The following RINL variants were observed in gnomAD, a reference collection of about 807,000 sequenced individuals.
The protein encoded by RINL is ras and Rab interactor-like protein.
A neutral mutation model predicts 58.1 loss-of-function variants in RINL; 39 were observed. The observed-to-expected ratio is 0.67, with a 90% confidence interval of 0.52 to 0.88. The LOEUF (loss-of-function observed/expected upper bound fraction) is 0.88, where lower values mean the gene tolerates loss of function less well. RINL is among the 40% of genes least tolerant of loss of function. The pLI is 0.00. For missense variants in RINL, 711 were observed against 749.2 expected, an observed-to-expected ratio of 0.95 and a Z score of 0.60; for synonymous variants, 286 against 323.1, an observed-to-expected ratio of 0.89 and a Z score of 1.23.
intron 3 of RINL, among the ~76,000 whole-genome samples, chr19:38,874,694 G>A (rs1197368023): frequency 2.0e-5 from 3 of 152,288 alleles, no homozygotes; most frequent in East Asian, 3.9e-4. Flanking sequence ...GTTTGCTGTC[G>A]TCTCCAAACC....
chr19:38,869,778 C>T lies in RINL; in HGVS notation c.1343-74G>A. ...GCGTAGACACCTTCCATCCGATCCC[C>T]AGGACCACGAGGGCTGGCTGCCCCT... On this transcript the variant is annotated intron_variant, in intron 9 of 11. Coordinates refer to ENST00000591812, the MANE Select transcript of RINL (RefSeq NM_001195833.2). The surrounding 1 kb of genome is among the most constrained non-coding windows in gnomAD (Gnocchi z 5.7). 1.9e-6 allele frequency: 3 copies of T among 1,595,278 alleles called. No individual in the cohort carries two copies. Among genetic ancestry groups the T allele is most frequent in the Non-Finnish European group, 2.6e-6 (3 of 1,169,376 alleles).
intron 3 of RINL, 49 bp from the exon 4 acceptor site, chr19:38,874,037 C>T (rs1470396884): frequency 5.0e-6 from 6 of 1,193,200 alleles, no homozygotes; most frequent in Non-Finnish European, 7.1e-6. Context: ...GCGCAGATGT[C>T]TGTTGCTTTT....
rs756612255 is a variant in RINL at position 38,869,702 on chromosome 19, G to A, written c.1345C>T (p.Pro449Ser). 2.5e-6 allele frequency: 4 copies of A among 1,613,666 alleles called. No individual in the cohort carries two copies. The highest frequency in any genetic ancestry group is 4.5e-5 in the East Asian group (2 of 44,852). Residue 449 changes from proline to serine, a missense_variant and splice_region_variant, in exon 10 of 12, where the codon CCC (proline) becomes TCC (serine). By Grantham distance (74) the Pro-to-Ser change is moderately conservative. Coordinates refer to ENST00000591812, the MANE Select transcript of RINL (RefSeq NM_001195833.2). The surrounding 1 kb of genome is among the most constrained non-coding windows in gnomAD (Gnocchi z 5.7). Reference sequence around the variant, plus strand: ...GGCAGGAAGGCGTCGGCCCCCAGGGGATCTGGGAAAACCAGAGGAAAGGTC... The same window carrying A: ...GGCAGGAAGGCGTCGGCCCCCAGGGAATCTGGGAAAACCAGAGGAAAGGTC... ...AGLARGENQD[P>S]LGADAFLPAL... is the part of the protein sequence containing the mutation.
At chr19:38,876,654 A>C in intron 2 of RINL, 39 bp downstream of exon 2, 1 of 1,520,650 alleles carries the variant, frequency 6.6e-7, no homozygotes, top group Non-Finnish European at 8.8e-7. Flanking sequence ...TTCTGGATGC[A>C]GGGGAAGGAG....
In RINL at chr19:38,868,442, G is replaced by A. The variant is rs923437172; in HGVS notation, c.*662C>T. The A allele has an allele frequency of 2.6e-5, 4 of 151,862 alleles. No homozygotes were observed. The highest frequency in any genetic ancestry group is 4.8e-5 in the African/African-American group (2 of 41,336). The allele number at this position is 151,862 out of a possible 1,614,324, so 9.4% of individuals were successfully genotyped here. ...GAGGTTAGGAGTTTGAGACCAGCCT[G>A]GGCAACAAAGAGAGACCTCATCTTT... is the stretch of plus-strand genomic sequence containing the variant. On this transcript the variant is annotated 3_prime_UTR_variant, in exon 12 of 12. Coordinates refer to ENST00000591812, the MANE Select transcript of RINL (RefSeq NM_001195833.2).
At chr19:38,877,782 T>TCCTC (rs371872589) in intron 1 of RINL, among the ~76,000 whole-genome samples, 2,531 of 151,216 alleles carry the variant, frequency 0.017, 62 homozygotes, top group African/African-American at 0.053. Flanking sequence ...GGAGGATCCA[T>TCCTC]CCTCCCTCCC....
In RINL at chr19:38,870,456, C is replaced by T; in HGVS notation, c.1024+114G>A. The T allele has an allele frequency of 7.9e-7, 1 of 1,268,944 alleles. No homozygotes were observed. Among genetic ancestry groups the T allele is most frequent in the Non-Finnish European group, 1.1e-6 (1 of 943,824 alleles). The allele number at this position is 1,268,944 out of a possible 1,614,324, so 78.6% of individuals were successfully genotyped here. ...GCGCGCATACGTGGGCGATAGAACG[C>T]GTGGGATGTGTAGGAAGGGCGTGTG... is the stretch of plus-strand genomic sequence containing the variant. On this transcript the variant is annotated intron_variant, in intron 8 of 11. Coordinates refer to ENST00000591812, the MANE Select transcript of RINL (RefSeq NM_001195833.2). This position sits in a 1 kb window ranked among gnomAD's most constrained non-coding sequence, Gnocchi z 5.8.
Position 38,868,516 on chromosome 19 carries a change from C to T in RINL, c.*588G>A, listed in dbSNP as rs1972721725. 1 of 151,972 alleles carries T rather than the reference C, an allele frequency of 6.6e-6. No homozygotes were observed. Among genetic ancestry groups the T allele is most frequent in the Admixed American group, 6.6e-5 (1 of 15,238 alleles). 9.4% of individuals were successfully genotyped at this position (151,972 alleles called of 1,614,324 possible). ...AGGCACGGTGGTAGGTGCCTGTAGT[C>T]TCAGCTACTTGGTAGGCAGAGGCAG... On this transcript the variant is annotated 3_prime_UTR_variant, in exon 12 of 12. Coordinates refer to ENST00000591812, the MANE Select transcript of RINL (RefSeq NM_001195833.2).
At position 38,876,748 on chromosome 19, in the gene RINL, G is replaced by C; in HGVS notation, c.-6C>G. ...TTGTCTTCTGGCTGGGCCATCGTCAGGTTGCAGGAAGCCAGTGAGTCATGA... is the reference window on the plus strand; with the variant it reads ...TTGTCTTCTGGCTGGGCCATCGTCACGTTGCAGGAAGCCAGTGAGTCATGA... On this transcript the variant is annotated 5_prime_UTR_variant, in exon 2 of 12. Coordinates refer to ENST00000591812, the MANE Select transcript of RINL (RefSeq NM_001195833.2). 6.5e-7 allele frequency: 1 copy of C among 1,536,056 alleles called. No homozygotes were observed. The highest frequency in any genetic ancestry group is 8.7e-7 in the Non-Finnish European group (1 of 1,146,830).
chr19:38,869,045 C>T lies in RINL; in HGVS notation c.*59G>A. 1 of 1,472,482 alleles carries T rather than the reference C, an allele frequency of 6.8e-7. No homozygotes were observed. Among genetic ancestry groups the T allele is most frequent in the Non-Finnish European group, 9.2e-7 (1 of 1,088,562 alleles). 91.2% of individuals were successfully genotyped at this position (1,472,482 alleles called of 1,614,324 possible). Reference sequence around the variant, plus strand: ...CAAACTCCTGGGCTCAAGCAATCCTCCCACCTTGGCCTCCCAAAATGTTGG... The same window carrying T: ...CAAACTCCTGGGCTCAAGCAATCCTTCCACCTTGGCCTCCCAAAATGTTGG... On this transcript the variant is annotated 3_prime_UTR_variant, in exon 12 of 12. Transcript: ENST00000591812. This position sits in a 1 kb window ranked among gnomAD's most constrained non-coding sequence, Gnocchi z 5.7.
chr19:38,874,624 G>C (rs1600095182), intron 3 of RINL, among the ~76,000 whole-genome samples: 1 of 152,188 alleles, frequency 6.6e-6, no homozygotes, highest in East Asian at 1.9e-4. Context: ...AAACTGGTGG[G>C]ATACAGCTCT....
At chr19:38,874,434 G>A (rs559111006) in intron 3 of RINL, among the ~76,000 whole-genome samples, 2 of 152,118 alleles carry the variant, frequency 1.3e-5, no homozygotes, top group African/African-American at 2.4e-5. Context: ...CACCACGCCC[G>A]GCTAAGTTTT....
In RINL at chr19:38,871,086, T is replaced by A. The variant is rs149631177; in HGVS notation, c.593A>T (p.His198Leu). 6.2e-7 allele frequency: 1 copy of A among 1,600,224 alleles called. No homozygotes were observed. The highest frequency in any genetic ancestry group is 8.5e-7 in the Non-Finnish European group (1 of 1,173,628). ...QETEPEAAQRHDPAPRNPAPH... is the reference protein window; with the variant it reads ...QETEPEAAQRLDPAPRNPAPH... ...GGCCCCGCCCAGCTAACCTGGATCA[T>A]GTCTCTGAGCAGCCTCTGGCTCTGT... Residue 198 changes from histidine (H) to leucine (L), a missense_variant, in exon 7 of 12, where the codon CAT (histidine) becomes CTT (leucine). Coordinates refer to ENST00000591812, the MANE Select transcript of RINL (RefSeq NM_001195833.2).
intron 7 of RINL, 30 bp from the exon 8 acceptor site, chr19:38,871,022 A>G (rs1431333116): frequency 6.3e-7 from 1 of 1,581,126 alleles, no homozygotes; most frequent in African/African-American, 1.3e-5. Flanking sequence ...TCGGTCGCCT[A>G]GAACAGGGGC....
At chr19:38,873,596 G>A in intron 4 of RINL, 1 of 258,290 alleles carries the variant, frequency 3.9e-6, no homozygotes, top group African/African-American at 2.2e-5. Context: ...TGTGATCTTG[G>A]CTCACTGCAA....
intron 1 of RINL, 126 bp downstream of exon 1, chr19:38,878,106 G>A (rs1421525608): frequency 6.5e-6 from 1 of 152,704 alleles, no homozygotes; most frequent in Non-Finnish European, 1.5e-5. Context: ...ATGCCTGCTT[G>A]TGTACCGTGG....
In RINL at chr19:38,876,482, G is replaced by A; in HGVS notation, c.59C>T (p.Pro20Leu). The stretch of plus-strand genomic sequence containing the variant: ...CCTGTCTGCTTTGTTCACCTGTGGT[G>A]GGACCAGCCTGGGATGGACAGTGTC... ...EVPTEGVRLV[P>L]PQVNKADRTP... Residue 20 changes from proline to leucine, a missense_variant, in exon 3 of 12, where the codon CCA (proline) becomes CTA (leucine). Coordinates refer to ENST00000591812, the MANE Select transcript of RINL (RefSeq NM_001195833.2). 1 of 1,536,052 alleles carries A rather than the reference G, an allele frequency of 6.5e-7. No homozygotes were observed. The highest frequency in any genetic ancestry group is 8.7e-7 in the Non-Finnish European group (1 of 1,146,804).
Position 38,869,040 on chromosome 19 carries a change from A to C in RINL, c.*64T>G. On this transcript the variant is annotated 3_prime_UTR_variant, in exon 12 of 12. Coordinates refer to ENST00000591812, the MANE Select transcript of RINL (RefSeq NM_001195833.2). This position sits in a 1 kb window ranked among gnomAD's most constrained non-coding sequence, Gnocchi z 5.7. ...GGTCTCAAACTCCTGGGCTCAAGCA[A>C]TCCTCCCACCTTGGCCTCCCAAAAT... 1 of 1,446,322 alleles carries C rather than the reference A, an allele frequency of 6.9e-7. No homozygotes were observed. Among genetic ancestry groups the C allele is most frequent in the Non-Finnish European group, 9.4e-7 (1 of 1,067,636 alleles). The allele number at this position is 1,446,322 out of a possible 1,614,324, so 89.6% of individuals were successfully genotyped here.
At chr19:38,877,897 C>T (rs1051498814) in intron 1 of RINL, among the ~76,000 whole-genome samples, 11 of 152,320 alleles carry the variant, frequency 7.2e-5, no homozygotes, top group Middle Eastern at 3.4e-3. Context: ...ACAGGACAGG[C>T]TCCTCCCCTC....
Sources: gnomAD v4.1 joint callset for allele counts (sites outside exome capture counted in the v4.1 genomes callset) on GRCh38, gnomAD v4.1.1 for gene constraint, Gnocchi (gnomAD v3.1) non-coding constraint, MANE v1.5 for transcripts, NCBI Gene and HGNC (gene_info 2026-07-23, HGNC 2026-07-21) for gene names.